MINDY3: variants seen among roughly 807,000 people sequenced by gnomAD.
The protein encoded by MINDY3 is MINDY lysine 48 deubiquitinase 3, also known as ubiquitin carboxyl-terminal hydrolase MINDY-3.
A neutral mutation model predicts 69.2 loss-of-function variants in MINDY3; 38 were observed. That is an observed-to-expected ratio of 0.55 (90% confidence interval 0.42 to 0.72). The LOEUF (loss-of-function observed/expected upper bound fraction) is 0.72, where lower values mean the gene tolerates loss of function less well. MINDY3 is among the 30% of genes least tolerant of loss of function. MINDY3 has a pLI of 0.00. For missense variants in MINDY3, 522 were observed against 519.0 expected (o/e 1.01, Z -0.06); for synonymous variants, 192 against 180.1 (o/e 1.07, Z -0.53).
intron 10 of MINDY3, among the ~76,000 whole-genome samples, chr10:15,807,315 GAAGA>G (rs1838702087): frequency 6.6e-6 from 1 of 152,124 alleles, no homozygotes; most frequent in Non-Finnish European, 1.5e-5. Flanking sequence ...AAGGAAGTTG[GAAGA>G]AAGAACAGGA....
intron 10 of MINDY3, among the ~76,000 whole-genome samples, chr10:15,816,629 T>A (rs1173306465): frequency 6.6e-6 from 1 of 152,184 alleles, no homozygotes; most frequent in Non-Finnish European, 1.5e-5. Context: ...AAATTATAAC[T>A]AAATCATGAT....
intron 9 of MINDY3, among the ~76,000 whole-genome samples, chr10:15,820,208 C>G (rs1253946954): frequency 6.6e-6 from 1 of 152,144 alleles, no homozygotes; most frequent in Admixed American, 6.5e-5. Flanking sequence ...CTGAAGGGGA[C>G]AGTGAGCCAT....
chr10:15,850,099 A>G (rs537479730), intron 1 of MINDY3, among the ~76,000 whole-genome samples: 7 of 152,310 alleles, frequency 4.6e-5, no homozygotes, highest in African/African-American at 1.4e-4. Context: ...CTTTACTGCA[A>G]TCTCTGAACA....
rs910625237 is a variant in MINDY3 at position 15,857,501 on chromosome 10, A to C, written c.94+2705T>G. 3.3e-5 allele frequency among the ~76,000 whole-genome samples: 5 copies of C among 152,180 alleles called. No homozygotes were observed. The East Asian group carries it at 9.6e-4, about 29-fold the overall frequency. On this transcript the variant is annotated intron_variant, in intron 1 of 14. Coordinates refer to ENST00000277632, the MANE Select transcript of MINDY3 (RefSeq NM_024948.4). ...TAGTTTGTGGGAAGGGGGGAGGATA[A>C]ATAGTGTTAATGAGCTAAGGAAGTG...
At chr10:15,847,821 T>A (rs781003295) in intron 2 of MINDY3, 43 bp downstream of exon 2, 2 of 1,430,762 alleles carry the variant, frequency 1.4e-6, no homozygotes, top group African/African-American at 2.8e-5. Flanking sequence ...ATGAAACGTT[T>A]CAAAATGTCC....
At chr10:15,852,915 T>C (rs760126553) in intron 1 of MINDY3, among the ~76,000 whole-genome samples, 10 of 152,176 alleles carry the variant, frequency 6.6e-5, no homozygotes, top group Non-Finnish European at 1.2e-4. Flanking sequence ...CCCTAAACAA[T>C]ACAATGTAAC....
chr10:15,807,382 G>A lies in MINDY3; in HGVS notation c.882+9453C>T, dbSNP rs567617971. On this transcript the variant is annotated intron_variant, in intron 10 of 14. Transcript: ENST00000277632. The stretch of plus-strand genomic sequence containing the variant: ...ACACAATACGAATGGTGGAAGGTTG[G>A]ACCAGGAATGCTGAGCAAGACTTTG... 5.3e-5 allele frequency among the ~76,000 whole-genome samples: 8 copies of A among 152,268 alleles called. 1 individual carries two copies. The East Asian group carries it at 1.5e-3, about 29-fold the overall frequency.
chr10:15,783,609 A>T (rs539954999), intron 13 of MINDY3, among the ~76,000 whole-genome samples: 162 of 152,296 alleles, frequency 1.1e-3, no homozygotes, highest in African/African-American at 3.8e-3. Flanking sequence ...TGTCTAAATA[A>T]TTTGAGAAGG....
At chr10:15,856,095 AC>A (rs1834672980) in intron 1 of MINDY3, among the ~76,000 whole-genome samples, 1 of 152,014 alleles carries the variant, frequency 6.6e-6, no homozygotes, top group Non-Finnish European at 1.5e-5. Flanking sequence ...CAACAAAAAA[AC>A]TTTTAAACGA....
chr10:15,796,484 A>AAAAC (rs1837841840), intron 10 of MINDY3, among the ~76,000 whole-genome samples: 1 of 151,674 alleles, frequency 6.6e-6, no homozygotes, highest in Non-Finnish European at 1.5e-5. Flanking sequence ...ATGAAAAAAA[A>AAAAC]AAACAAAAAA....
At chr10:15,804,242 G>A (rs1838469027) in intron 10 of MINDY3, among the ~76,000 whole-genome samples, 3 of 152,040 alleles carry the variant, frequency 2.0e-5, no homozygotes, top group African/African-American at 7.2e-5. Flanking sequence ...GGCGGGGGAT[G>A]GAAGTAGGTG....
chr10:15,787,316 A>C (rs1360322240), intron 12 of MINDY3, among the ~76,000 whole-genome samples: 1 of 152,160 alleles, frequency 6.6e-6, no homozygotes, highest in Non-Finnish European at 1.5e-5. Flanking sequence ...GTGTGACTAG[A>C]AAGAAGGAAG....
At chr10:15,808,040 A>G (rs1032196944) in intron 10 of MINDY3, among the ~76,000 whole-genome samples, 22 of 152,194 alleles carry the variant, frequency 1.4e-4, no homozygotes, top group African/African-American at 5.1e-4. Context: ...AGCAGGTAGG[A>G]AAGAGTTTGT....
intron 4 of MINDY3, among the ~76,000 whole-genome samples, chr10:15,838,545 A>G (rs2132076938): frequency 6.6e-6 from 1 of 151,926 alleles, no homozygotes; most frequent in South Asian, 2.1e-4. Context: ...GGCAGTTATA[A>G]AGTATGAAAA....
At chr10:15,850,293 T>A (rs537552151) in intron 1 of MINDY3, among the ~76,000 whole-genome samples, 1 of 152,206 alleles carries the variant, frequency 6.6e-6, no homozygotes, top group African/African-American at 2.4e-5. Flanking sequence ...GTTTGAACAA[T>A]ATGAAATTTG....
At chr10:15,795,921 G>A (rs1939670984) in intron 11 of MINDY3, among the ~76,000 whole-genome samples, 179 bp downstream of exon 11, 1 of 151,986 alleles carries the variant, frequency 6.6e-6, no homozygotes, top group Admixed American at 6.6e-5. Context: ...ACTCAACAAG[G>A]ACTTGTGTGC....
intron 13 of MINDY3, among the ~76,000 whole-genome samples, chr10:15,786,339 G>C (rs1564452982): frequency 1.3e-5 from 2 of 152,008 alleles, no homozygotes; most frequent in African/African-American, 2.4e-5. Context: ...TATGTGTATA[G>C]ACTGGTGTCT....
chr10:15,843,320 A>G, intron 2 of MINDY3, 48 bp from the exon 3 acceptor site: 1 of 1,392,506 alleles, frequency 7.2e-7, no homozygotes, highest in Non-Finnish European at 1.0e-6. Context: ...ATAACCATAC[A>G]TCATATCATT....
intron 8 of MINDY3, among the ~76,000 whole-genome samples, chr10:15,829,199 G>A (rs1588608218): frequency 6.6e-6 from 1 of 152,280 alleles, no homozygotes; most frequent in South Asian, 2.1e-4. Context: ...GGGGTTAAGT[G>A]GAGAGACATT....
Sources: allele counts gnomAD v4.1 joint callset (sites outside exome capture counted in the v4.1 genomes callset), GRCh38; gene constraint gnomAD v4.1.1; transcripts MANE v1.5; gene names NCBI Gene and HGNC (gene_info 2026-07-23, HGNC 2026-07-21).